The following AGMO variants were observed in gnomAD, a reference collection of about 807,000 sequenced individuals.
AGMO encodes glyceryl-ether monooxygenase.
Under a neutral mutation model 60.2 loss-of-function variants are expected in AGMO, and 75 were observed. The observed-to-expected ratio is 1.25, with a 90% CI of 1.03 to 1.51. The LOEUF (loss-of-function observed/expected upper bound fraction) is 1.51, where lower values mean the gene tolerates loss of function less well. AGMO is among the 40% of genes most tolerant of loss of function. The probability of loss-of-function intolerance (pLI) is 0.00; values close to 1 mark genes in which losing one functional copy is unlikely to be tolerated. For missense variants in AGMO, 763 were observed against 525.5 expected (o/e 1.45, Z -4.42); for synonymous variants, 261 against 177.1 (o/e 1.47, Z -3.76).
intron 4 of AGMO, among the ~76,000 whole-genome samples, chr7:15,423,606 G>A (rs1780982723): frequency 6.6e-6 from 1 of 152,202 alleles, no homozygotes. Context: ...CATCTTTATA[G>A]AGGTAATCAA....
intron 2 of AGMO, among the ~76,000 whole-genome samples, chr7:15,555,872 T>C (rs1785119465): frequency 6.6e-6 from 1 of 152,024 alleles, no homozygotes; most frequent in Non-Finnish European, 1.5e-5. Context: ...TGAGACATTC[T>C]CTCAAATGTA....
chr7:15,233,475 T>G (rs1435307432), intron 12 of AGMO, among the ~76,000 whole-genome samples: 1 of 151,712 alleles, frequency 6.6e-6, no homozygotes, highest in African/African-American at 2.4e-5. Flanking sequence ...ACAAAAATGA[T>G]GTCAGAGAGT....
intron 12 of AGMO, among the ~76,000 whole-genome samples, chr7:15,334,311 GTT>G (rs5882496): frequency 0.12 from 16,945 of 146,070 alleles, 967 homozygotes; most frequent in East Asian, 0.21. Context: ...ACCTTGGTGA[GTT>G]TTTTTTTTTT....
intron 12 of AGMO, among the ~76,000 whole-genome samples, chr7:15,354,429 C>CGT (rs1360965743): frequency 4.6e-5 from 1 of 21,692 alleles, no homozygotes; most frequent in Non-Finnish European, 6.4e-5. Flanking sequence ...TATACACACA[C>CGT]GTGTGTGTAT....
At chr7:15,298,928 A>G (rs1436089075) in intron 12 of AGMO, among the ~76,000 whole-genome samples, 1 of 151,904 alleles carries the variant, frequency 6.6e-6, no homozygotes, top group Non-Finnish European at 1.5e-5. Flanking sequence ...AACTATTTTC[A>G]TTTACCTTAA....
chr7:15,359,170 T>A (rs1157005468), intron 12 of AGMO, among the ~76,000 whole-genome samples: 1 of 151,418 alleles, frequency 6.6e-6, no homozygotes, highest in Non-Finnish European at 1.5e-5. Context: ...GAACCTGTAG[T>A]CCCAGCTACT....
chr7:15,519,620 A>C (rs946074941), intron 3 of AGMO, among the ~76,000 whole-genome samples: 6 of 152,190 alleles, frequency 3.9e-5, no homozygotes, highest in African/African-American at 1.4e-4. Flanking sequence ...GGATTTTGTC[A>C]CCACCAGGCC....
intron 12 of AGMO, among the ~76,000 whole-genome samples, chr7:15,244,917 G>C (rs946189766): frequency 3.3e-4 from 50 of 152,174 alleles, no homozygotes; most frequent in African/African-American, 1.2e-3. Flanking sequence ...CTCCCAAAGT[G>C]TTGGGATTAC....
intron 5 of AGMO, among the ~76,000 whole-genome samples, chr7:15,403,917 T>C (rs1443377164): frequency 2.0e-5 from 3 of 151,978 alleles, no homozygotes; most frequent in Non-Finnish European, 4.4e-5. Flanking sequence ...TCTTAGGATA[T>C]GTGCTTGTCT....
intron 2 of AGMO, among the ~76,000 whole-genome samples, chr7:15,557,115 T>A (rs1480023471): frequency 1.3e-5 from 2 of 152,066 alleles, no homozygotes; most frequent in African/African-American, 4.8e-5. Flanking sequence ...CCTGAAATTT[T>A]ATGTAATCCT....
chr7:15,539,778 T>C lies in AGMO; in HGVS notation c.409+4994A>G, dbSNP rs574978002. ...ACAGTGTATAAGCATTCCTTTTTTT[T>C]CTGCAACCTCACCAGCATCTGCTAT... is the stretch of plus-strand genomic sequence containing the variant. On this transcript the variant is annotated intron_variant, in intron 3 of 12. Coordinates refer to ENST00000342526, the MANE Select transcript of AGMO (RefSeq NM_001004320.2). Among the ~76,000 whole-genome samples the C allele has an allele frequency of 2.0e-5, 3 of 152,330 alleles. No individual in the cohort carries two copies. The South Asian group carries it at 6.2e-4, about 32-fold the overall frequency.
At chr7:15,447,777 T>C (rs1352212119) in intron 3 of AGMO, among the ~76,000 whole-genome samples, 2 of 151,994 alleles carry the variant, frequency 1.3e-5, no homozygotes, top group Non-Finnish European at 2.9e-5. Context: ...GGTCTTGAAC[T>C]CCTAACCTCA....
At chr7:15,535,248 G>C (rs1784459504) in intron 3 of AGMO, among the ~76,000 whole-genome samples, 1 of 151,760 alleles carries the variant, frequency 6.6e-6, no homozygotes, top group South Asian at 2.1e-4. Context: ...TTGCTCACCT[G>C]TGCTTTTTTC....
At chr7:15,197,520 A>T (rs561448499), downstream of AGMO, among the ~76,000 whole-genome samples, 20 of 152,358 alleles carry the variant, frequency 1.3e-4, no homozygotes, top group South Asian at 3.9e-3. Flanking sequence ...AGACGATTAG[A>T]TTCAGTTTAA....
chr7:15,546,419 G>A (rs1181508409), intron 2 of AGMO, among the ~76,000 whole-genome samples: 1 of 152,148 alleles, frequency 6.6e-6, no homozygotes, highest in African/African-American at 2.4e-5. Flanking sequence ...ATACCACATT[G>A]CCAATCTGAG....
At chr7:15,335,164 C>T (rs1364823828) in intron 12 of AGMO, among the ~76,000 whole-genome samples, 1 of 152,176 alleles carries the variant, frequency 6.6e-6, no homozygotes, top group African/African-American at 2.4e-5. Context: ...AATAAATCAG[C>T]TGAAGTGATG....
the AGMO span, among the ~76,000 whole-genome samples, chr7:15,190,127 TTATATATATA>T: frequency 1.3e-3 from 2 of 1,524 alleles, no homozygotes; most frequent in Non-Finnish European, 1.3e-3. Flanking sequence ...ATATATATAT[TTATATATATA>T]TATATATATA....
intron 12 of AGMO, among the ~76,000 whole-genome samples, chr7:15,215,155 A>G (rs371364301): frequency 1.3e-5 from 2 of 152,180 alleles, no homozygotes; most frequent in African/African-American, 4.8e-5. Flanking sequence ...TCAGTCCACC[A>G]CAGAGTATTT....
chr7:15,493,365 C>CTTTTTTT lies in AGMO; in HGVS notation c.409+51400_409+51406dup, dbSNP rs71004387. ...CACACACACACACACACACACACTT[C>CTTTTTTT]TTTTTTTTTTTTTTTTTTTTTTTTT... On this transcript the variant is annotated intron_variant, in intron 3 of 12. Transcript: ENST00000342526. Among the ~76,000 whole-genome samples, 3 of 66,654 alleles carry CTTTTTTT rather than the reference C, an allele frequency of 4.5e-5. 1 individual carries two copies. Among genetic ancestry groups the CTTTTTTT allele is most frequent in the Admixed American group, 3.7e-4 (2 of 5,364 alleles). 43.7% of individuals were successfully genotyped at this position (66,654 alleles called of 152,430 possible). A position where few individuals can be genotyped will look rare whatever the true frequency, so the allele number is the denominator to read the frequency against.
Sources: gnomAD v4.1 joint callset for allele counts (sites outside exome capture counted in the v4.1 genomes callset) on GRCh38, gnomAD v4.1.1 for gene constraint, MANE v1.5 for transcripts, NCBI Gene and HGNC (gene_info 2026-07-23, HGNC 2026-07-21) for gene names.